MSLN: variants seen among roughly 807,000 people sequenced by gnomAD.
MSLN encodes CAK1 antigen.
A neutral mutation model predicts 72.6 loss-of-function variants in MSLN; 82 were observed. The ratio of observed to expected loss-of-function variants is 1.13; its 90% CI spans 0.94 to 1.36. MSLN has a LOEUF of 1.36. Ranked by LOEUF, MSLN falls within the 40% of genes most tolerant of loss-of-function variation. The pLI is 0.00. For missense variants in MSLN, 1,005 were observed against 847.9 expected (o/e 1.19, Z -2.30); for synonymous variants, 456 against 387.3 (o/e 1.18, Z -2.08).
At chr16:764,539 G>A (rs915179493) in intron 6 of MSLN, 108 bp from the exon 7 acceptor site, 10 of 959,758 alleles carry the variant, frequency 1.0e-5, no homozygotes, top group Admixed American at 5.1e-5. Context: ...ACAGATTCTC[G>A]TGGCCAGGGC....
chr16:766,285 C>T, intron 12 of MSLN, 48 bp downstream of exon 12: 2 of 1,610,096 alleles, frequency 1.2e-6, no homozygotes, highest in African/African-American at 1.3e-5. Flanking sequence ...CCAAGCCATC[C>T]CCAGCCCCTC....
At position 766,749 on chromosome 16, in the gene MSLN, C is replaced by T. The variant is rs202124789; in HGVS notation, c.1312C>T (p.Pro438Ser). ...CCTAGACACCCTGACCGCCTTCTAC[C>T]CTGGGTACCTGTGCTCCCTCAGCCC... ...DTLDTLTAFY[P>S]GYLCSLSPEE... Residue 438 changes from proline to serine, a missense_variant, in exon 14 of 18, where the codon CCT (proline) becomes TCT (serine). Physicochemically the swap from Pro to Ser is moderately conservative, Grantham distance 74. Transcript: ENST00000545450. 149 of 1,612,662 alleles carry T rather than the reference C, an allele frequency of 9.2e-5. 1 individual carries two copies. In the South Asian group the frequency reaches 1.3e-3, roughly 14 times the overall value.
At position 764,066 on chromosome 16, in the gene MSLN, T is replaced by A; in HGVS notation, c.223T>A (p.Ser75Thr). ...QLLGFPCAEV[S>T]GLSTERVREL... ...CCTTGGCTTCCCGTGTGCGGAGGTGTCCGGCCTGAGCACGGAGCGTGTCCG... is the reference window on the plus strand; with the variant it reads ...CCTTGGCTTCCCGTGTGCGGAGGTGACCGGCCTGAGCACGGAGCGTGTCCG... Residue 75 changes from serine to threonine, a missense_variant, in exon 6 of 18, where the codon TCC (serine) becomes ACC (threonine). Coordinates refer to ENST00000545450, the MANE Select transcript of MSLN (RefSeq NM_005823.6). 6.2e-7 allele frequency: 1 copy of A among 1,605,716 alleles called. No individual in the cohort carries two copies. The highest frequency in any genetic ancestry group is 8.5e-7 in the Non-Finnish European group (1 of 1,179,778).
chr16:768,051 G>A (rs1411570237), intron 16 of MSLN, among the ~76,000 whole-genome samples: 19 of 97,898 alleles, frequency 1.9e-4, no homozygotes, highest in East Asian at 3.3e-4. Flanking sequence ...GAGGGGGCGC[G>A]TGGAGGAGGG....
Position 766,059 on chromosome 16 carries a change from A to C in MSLN, c.896A>C (p.Lys299Thr), listed in dbSNP as rs759283251. The change falls in exon 12 of 18, where the codon AAG becomes ACG. Residue 299 changes from lysine to threonine, a missense_variant and splice_region_variant. Coordinates refer to ENST00000545450, the MANE Select transcript of MSLN (RefSeq NM_005823.6). ...GACCCCTGACCCCTGTGCCCTGCAGAGACAGCCTGTCCTTCAGGCAAGAAG... is the reference window on the plus strand; with the variant it reads ...GACCCCTGACCCCTGTGCCCTGCAGCGACAGCCTGTCCTTCAGGCAAGAAG... ...LRPRFRREVE[K>T]TACPSGKKAR... 5 of 1,607,802 alleles carry C rather than the reference A, an allele frequency of 3.1e-6. No homozygotes were observed. In the African/African-American group the frequency reaches 6.7e-5, roughly 21 times the overall value.
At chr16:764,261 C>T (rs1424463938) in intron 6 of MSLN, 118 bp downstream of exon 6, 29 of 1,379,484 alleles carry the variant, frequency 2.1e-5, no homozygotes, top group East Asian at 7.5e-5. Flanking sequence ...CATCTCTCCC[C>T]GGCCAGTTCT....
chr16:764,554 G>A (rs1039628476), intron 6 of MSLN, 93 bp from the exon 7 acceptor site: 9 of 1,022,736 alleles, frequency 8.8e-6, no homozygotes, highest in Non-Finnish European at 1.4e-5. Flanking sequence ...CAGGGCAGGG[G>A]TGTGTTGTGG....
rs777701387 is a variant in MSLN, at chr16:763,279, A to T, written c.129+3A>T. ...CCCTGGCTGGAGAGACAGGGCAGGT[A>T]AGGTCCCCTCTGGGGAAACAGGGGA... On this transcript the variant is annotated splice_donor_region_variant and intron_variant, in intron 4 of 17. Coordinates refer to ENST00000545450, the MANE Select transcript of MSLN (RefSeq NM_005823.6). 5.2e-6 allele frequency: 8 copies of T among 1,542,606 alleles called. No individual in the cohort carries two copies. Among genetic ancestry groups the T allele is most frequent in the Non-Finnish European group, 7.0e-6 (8 of 1,144,824 alleles).
Position 768,793 on chromosome 16 carries a change from G to C in MSLN, c.*60G>C. On this transcript the variant is annotated 3_prime_UTR_variant, in exon 18 of 18. Coordinates refer to ENST00000545450, the MANE Select transcript of MSLN (RefSeq NM_005823.6). ...GGGATCCCCGCCTGGCCAGGAGCAGGCACGGGTGGTCCCCGTTCCACCCCA... is the reference window on the plus strand; with the variant it reads ...GGGATCCCCGCCTGGCCAGGAGCAGCCACGGGTGGTCCCCGTTCCACCCCA... 6.5e-7 allele frequency: 1 copy of C among 1,541,154 alleles called. No homozygotes were observed. Among genetic ancestry groups the C allele is most frequent in the Non-Finnish European group, 8.9e-7 (1 of 1,123,448 alleles).
In MSLN at chr16:766,327, G is replaced by A; in HGVS notation, c.1075-8G>A. 6.2e-7 allele frequency: 1 copy of A among 1,612,516 alleles called. No individual in the cohort carries two copies. The highest frequency in any genetic ancestry group is 1.1e-5 in the South Asian group (1 of 91,086). On this transcript the variant is annotated splice_polypyrimidine_tract_variant and splice_region_variant and intron_variant, in intron 12 of 17. Coordinates refer to ENST00000545450, the MANE Select transcript of MSLN (RefSeq NM_005823.6). ...TGACATGGGCCCTCCTGGTCTCTTG[G>A]CCTGCAGCTCTACCCACAAGGTTAC...
Position 765,100 on chromosome 16 carries a change from C to T in MSLN, c.511-10C>T, listed in dbSNP as rs368189482. On this transcript the variant is annotated splice_polypyrimidine_tract_variant and intron_variant, in intron 8 of 17. Transcript: ENST00000545450. ...CAGTTCCAAAAGCGCTGAGGCCAGC[C>T]TCTCTGCAGGGTGTGCGGGGGTCTC... 2 of 1,605,176 alleles carry T rather than the reference C, an allele frequency of 1.2e-6. No homozygotes were observed. The highest frequency in any genetic ancestry group is 4.5e-5 in the East Asian group (2 of 44,762).
At position 765,347 on chromosome 16, in the gene MSLN, T is replaced by C. The variant is rs776992944; in HGVS notation, c.704+44T>C. ...AACCTCGAAGGCTCACCTGGCGGCG[T>C]GGTATCAGCAGCGTGAGGACACTTG... On this transcript the variant is annotated intron_variant, in intron 9 of 17. Transcript: ENST00000545450. 24 of 1,501,668 alleles carry C rather than the reference T, an allele frequency of 1.6e-5. No individual in the cohort carries two copies. The African/African-American group carries it at 2.1e-4, about 13-fold the overall frequency. The allele number at this position is 1,501,668 out of a possible 1,614,324, so 93.0% of individuals were successfully genotyped here. A position where few individuals can be genotyped will look rare whatever the true frequency, so the allele number is the denominator to read the frequency against.
chr16:765,441 T>A (rs1434544292), intron 9 of MSLN, 86 bp from the exon 10 acceptor site: 1 of 1,439,868 alleles, frequency 6.9e-7, no homozygotes, highest in African/African-American at 1.4e-5. Flanking sequence ...CAGCGTCCCC[T>A]CCACAGCCAG....
Position 766,157 on chromosome 16 carries a change from C to T in MSLN, c.994C>T (p.Leu332=). The change falls in exon 12 of 18, where the codon CTG becomes TTG. Residue 332 remains leucine (L), a synonymous_variant. Coordinates refer to ENST00000545450, the MANE Select transcript of MSLN (RefSeq NM_005823.6). Reference sequence around the variant, plus strand: ...GGAAGCCTGCGTGGATGCGGCCCTGCTGGCCACCCAGATGGACCGCGTGAA... The same window carrying T: ...GGAAGCCTGCGTGGATGCGGCCCTGTTGGCCACCCAGATGGACCGCGTGAA... ...ELEACVDAAL[L]ATQMDRVNAI... 6.2e-7 allele frequency: 1 copy of T among 1,612,758 alleles called. No homozygotes were observed. Among genetic ancestry groups the T allele is most frequent in the Non-Finnish European group, 8.5e-7 (1 of 1,179,904 alleles).
Position 767,438 on chromosome 16 carries a change from ACG to A in MSLN, c.1565_1566del (p.Thr522IlefsTer16), listed in dbSNP as rs747825583. 2 of 1,590,216 alleles carry A rather than the reference ACG, an allele frequency of 1.3e-6. No individual in the cohort carries two copies. The highest frequency in any genetic ancestry group is 2.2e-5 in the South Asian group (2 of 90,218). On this transcript the variant is annotated frameshift_variant, in exon 16 of 18. Coordinates refer to ENST00000545450, the MANE Select transcript of MSLN (RefSeq NM_005823.6). LOFTEE classifies it high-confidence loss of function. Reference protein sequence around the residue: ...SQQNVSMDLATFMKLRTDAVL... With the variant: ...SQQNVSMDLAXFMKLRTDAVL... Reference sequence around the variant, plus strand: ...GCAGAATGTGAGCATGGACTTGGCCACGTTCATGAAGCTGCGGACGGATGCGG... The same window carrying A: ...GCAGAATGTGAGCATGGACTTGGCCATTCATGAAGCTGCGGACGGATGCGG...
chr16:763,303 G>A, intron 4 of MSLN, 27 bp downstream of exon 4: 1 of 1,532,200 alleles, frequency 6.5e-7, no homozygotes, highest in Middle Eastern at 1.7e-4. Context: ...GGAAACAGGG[G>A]AGGGTCTTCA....
In MSLN at chr16:766,939, C is replaced by A. The variant is rs371356000; in HGVS notation, c.1428C>A (p.Leu476=). The change falls in exon 15 of 18, where the codon CTC becomes CTA. Residue 476 remains leucine, a synonymous_variant. Coordinates refer to ENST00000545450, the MANE Select transcript of MSLN (RefSeq NM_005823.6). ...DTCDPRQLDV[L]YPKARLAFQN... ...GTGACCCAAGGCAGCTGGACGTCCT[C>A]TATCCCAAGGCCCGCCTTGCTTTCC... is the stretch of plus-strand genomic sequence containing the variant. 21 of 1,612,556 alleles carry A rather than the reference C, an allele frequency of 1.3e-5. No homozygotes were observed. Among genetic ancestry groups the A allele is most frequent in the Admixed American group, 1.7e-5 (1 of 59,998 alleles).
Position 766,860 on chromosome 16 carries a change from C to A in MSLN, c.1374-25C>A. The A allele has an allele frequency of 3.1e-6, 5 of 1,612,378 alleles. No homozygotes were observed. The South Asian group carries it at 5.5e-5, about 18-fold the overall frequency. On this transcript the variant is annotated intron_variant, in intron 14 of 17. Transcript: ENST00000545450. ...CAAGGTGGGTCCGTGTGCTGGCGCT[C>A]ACTGTCCACCCACCGTGTCCCCAGG... is the stretch of plus-strand genomic sequence containing the variant.
intron 2 of MSLN, among the ~76,000 whole-genome samples, chr16:762,113 C>G (rs1213579684): frequency 6.6e-6 from 1 of 152,168 alleles, no homozygotes; most frequent in Non-Finnish European, 1.5e-5. Context: ...TGAAAATGGG[C>G]TCAGAGAGGC....
Sources: gnomAD v4.1 joint callset for allele counts (sites outside exome capture counted in the v4.1 genomes callset) on GRCh38, gnomAD v4.1.1 for gene constraint, MANE v1.5 for transcripts, NCBI Gene and HGNC (gene_info 2026-07-23, HGNC 2026-07-21) for gene names.